Variants in VWF observed in about 807,000 individuals in gnomAD.
VWF encodes Factor VIII related antigen.
VWF carries 176 observed loss-of-function variants against 308.6 expected under a neutral mutation model. That is an observed-to-expected ratio of 0.57 (90% CI 0.50 to 0.65). The LOEUF (loss-of-function observed/expected upper bound fraction) is 0.65. Among genes scored for constraint, VWF ranks in the 30% least tolerant of loss-of-function variants. The pLI is 0.00. For synonymous variants in VWF, 1,385 were observed against 1,443.4 expected (o/e 0.96, Z 0.92); for missense variants, 3,146 against 3,648.2 (o/e 0.86, Z 3.55).
At chr12:6,017,520 G>A (rs1399012624) in intron 28 of VWF, among the ~76,000 whole-genome samples, 1 of 152,214 alleles carries the variant, frequency 6.6e-6, no homozygotes, top group East Asian at 1.9e-4. Flanking sequence ...TTATTATTCT[G>A]GGATGGTCCC....
At position 6,024,823 on chromosome 12, in the gene VWF, G is replaced by C. The variant is rs763686763; in HGVS notation, c.3222+757C>G. 6.6e-6 allele frequency among the ~76,000 whole-genome samples: 1 copy of C among 152,188 alleles called. No homozygotes were observed. The highest frequency in any genetic ancestry group is 2.4e-5 in the African/African-American group (1 of 41,444). ...TAGATCACCTGAGTCAGGAGTTCAA[G>C]GCCAGCCTGACCAACATGGTGAAAC... On this transcript the variant is annotated intron_variant, in intron 24 of 51. Transcript: ENST00000261405. This position sits in a 1 kb window ranked among gnomAD's most constrained non-coding sequence, Gnocchi z 4.0.
At chr12:5,953,802 A>T in intron 47 of VWF, 1 of 600,712 alleles carries the variant, frequency 1.7e-6, no homozygotes, top group South Asian at 1.9e-5. Context: ...ATCTCACTCA[A>T]GTTGTAGCAG....
At chr12:5,997,451 G>C (rs1417809191) in intron 34 of VWF, among the ~76,000 whole-genome samples, 1 of 152,164 alleles carries the variant, frequency 6.6e-6, no homozygotes, top group East Asian at 1.9e-4. Context: ...TGTGTAATGG[G>C]TACTTTACAG....
intron 43 of VWF, among the ~76,000 whole-genome samples, 185 bp from the exon 44 acceptor site, chr12:5,971,894 C>T (rs372288552): frequency 6.6e-5 from 10 of 152,348 alleles, no homozygotes; most frequent in African/African-American, 1.2e-4. Context: ...GGTCACTAAA[C>T]GAAGTCTTAC....
At position 6,060,106 on chromosome 12, in the gene VWF, T is replaced by A. The variant is rs1283645882; in HGVS notation, c.1534-2062A>T. Reference sequence around the variant, plus strand: ...GTCAGCTCGGCCAGGGTTAGGAGAGTGGGGGCGACACTTAGAGACTCTCTT... The same window carrying A: ...GTCAGCTCGGCCAGGGTTAGGAGAGAGGGGGCGACACTTAGAGACTCTCTT... On this transcript the variant is annotated intron_variant, in intron 13 of 51. Transcript: ENST00000261405. This position sits in a 1 kb window ranked among gnomAD's most constrained non-coding sequence, Gnocchi z 5.1. Among the ~76,000 whole-genome samples, 1 of 151,492 alleles carries A rather than the reference T, an allele frequency of 6.6e-6. No individual in the cohort carries two copies. Among genetic ancestry groups the A allele is most frequent in the East Asian group, 1.9e-4 (1 of 5,134 alleles).
chr12:6,108,941 A>C (rs1415758201), intron 5 of VWF, among the ~76,000 whole-genome samples: 1 of 150,554 alleles, frequency 6.6e-6, no homozygotes, highest in African/African-American at 2.4e-5. Context: ...AGATCGCGCC[A>C]CTGCACTCCA....
At chr12:6,002,535 A>C (rs115427917) in intron 34 of VWF, among the ~76,000 whole-genome samples, 1,616 of 152,180 alleles carry the variant, frequency 0.011, 34 homozygotes, top group African/African-American at 0.037. Context: ...TAAATGTGAA[A>C]ATCTAGATGA....
chr12:6,081,090 C>A (rs1944904185), intron 6 of VWF, among the ~76,000 whole-genome samples: 1 of 152,202 alleles, frequency 6.6e-6, no homozygotes, highest in Non-Finnish European at 1.5e-5. Context: ...CTCCGCCCAT[C>A]CTCCTGCGTT....
Position 5,985,134 on chromosome 12 carries a change from C to T in VWF, c.6902-15G>A, listed in dbSNP as rs71539656. The T allele has an allele frequency of 2.0e-4, 317 of 1,613,772 alleles. 1 individual carries two copies. The highest frequency in any genetic ancestry group is 2.5e-4 in the Non-Finnish European group (291 of 1,179,772). ...ACACGTGGGAGCTAGAGGAGAGGAA[C>T]GGCCACAAAAGTCAGAGAAATTAGT... On this transcript the variant is annotated splice_polypyrimidine_tract_variant and intron_variant, in intron 39 of 51. Coordinates refer to ENST00000261405, the MANE Select transcript of VWF (RefSeq NM_000552.5).
Position 6,108,997 on chromosome 12 carries a change from A to T in VWF, c.532+1377T>A, listed in dbSNP as rs554070417. Among the ~76,000 whole-genome samples the T allele has an allele frequency of 6.2e-3, 936 of 152,168 alleles. 13 individuals are homozygous for T. The highest frequency in any genetic ancestry group is 0.022 in the African/African-American group (895 of 41,514). On this transcript the variant is annotated intron_variant, in intron 5 of 51. Coordinates refer to ENST00000261405, the MANE Select transcript of VWF (RefSeq NM_000552.5). ...CTCCGTCTCAAAAAAAAAAAAAAAA[A>T]AATTCAAACTTTTGAATTTGTAAAT... is the stretch of plus-strand genomic sequence containing the variant.
At chr12:6,109,412 A>G (rs1945279964) in intron 5 of VWF, among the ~76,000 whole-genome samples, 4 of 152,226 alleles carry the variant, frequency 2.6e-5, no homozygotes, top group African/African-American at 9.6e-5. Flanking sequence ...TACATATCAG[A>G]CAATAAAATC....
intron 19 of VWF, 60 bp from the exon 20 acceptor site, chr12:6,034,886 G>C (rs1944317966): frequency 6.2e-7 from 1 of 1,600,704 alleles, no homozygotes; most frequent in South Asian, 1.1e-5. Context: ...GGGCCCATCT[G>C]GGCCATGGAG....
intron 18 of VWF, among the ~76,000 whole-genome samples, chr12:6,038,116 G>A (rs1953628462): frequency 6.6e-6 from 1 of 152,044 alleles, no homozygotes; most frequent in East Asian, 1.9e-4. Context: ...GCACCCAGTA[G>A]GGAAGATGGC....
chr12:5,979,445 C>T (rs140473723), intron 42 of VWF, among the ~76,000 whole-genome samples: 309 of 152,338 alleles, frequency 2.0e-3, no homozygotes, highest in Non-Finnish European at 3.7e-3. Context: ...CATAATCAGT[C>T]CTATCTCTCA....
rs377501452 is a variant in VWF at position 6,057,972 on chromosome 12, G to A, written c.1606C>T (p.Leu536Phe). 2.7e-5 allele frequency: 44 copies of A among 1,613,734 alleles called. No homozygotes were observed. In the East Asian group the frequency reaches 9.1e-4, roughly 34 times the overall value. Residue 536 changes from leucine to phenylalanine, a missense_variant, in exon 14 of 52, where the codon CTT becomes TTT. By Grantham distance (22) the Leu-to-Phe change is conservative. Transcript: ENST00000261405. ...GGCTCCGCCAGCCCAGAGGGGGTAAGGAAGTCGTCGCCCTGGTTGCCATTG... is the reference window on the plus strand; with the variant it reads ...GGCTCCGCCAGCCCAGAGGGGGTAAAGAAGTCGTCGCCCTGGTTGCCATTG... ...NYNGNQGDDF[L>F]TPSGLAEPRV...
intron 16 of VWF, among the ~76,000 whole-genome samples, chr12:6,051,286 CTTTTT>C (rs55842185): frequency 0.047 from 5,518 of 117,572 alleles, 124 homozygotes; most frequent in Middle Eastern, 0.081. Context: ...TTCTTTTTTT[CTTTTT>C]TTTTTTTTTT....
At chr12:5,958,022 G>T (rs1943269487) in intron 47 of VWF, among the ~76,000 whole-genome samples, 1 of 152,006 alleles carries the variant, frequency 6.6e-6, no homozygotes, top group Non-Finnish European at 1.5e-5. Context: ...CAATCAAAGT[G>T]TACTGTGATA....
chr12:5,972,185 G>A (rs554708683), intron 43 of VWF, among the ~76,000 whole-genome samples: 2 of 152,258 alleles, frequency 1.3e-5, no homozygotes, highest in South Asian at 4.1e-4. Flanking sequence ...TCCCCAAGAG[G>A]TTACTTGACA....
Position 6,019,484 on chromosome 12 carries a change from T to G in VWF, c.3934A>C (p.Lys1312Gln). 1 of 1,613,912 alleles carries G rather than the reference T, an allele frequency of 6.2e-7. No individual in the cohort carries two copies. The highest frequency in any genetic ancestry group is 1.1e-5 in the South Asian group (1 of 91,068). Residue 1312 changes from lysine to glutamine, a missense_variant, in exon 28 of 52, where the codon AAG becomes CAG. Physicochemically the swap from Lys to Gln is moderately conservative, Grantham distance 53. Around this residue, in one of 3 missense-constraint regions of VWF, gnomAD observed 853 missense variants for 1,177.8 expected, o/e 0.72. Transcript: ENST00000261405. The surrounding 1 kb of genome is among the most constrained non-coding windows in gnomAD (Gnocchi z 5.8). Reference protein sequence around the residue: ...DMMERLRISQKWVRVAVVEYH... With the variant: ...DMMERLRISQQWVRVAVVEYH... Reference sequence around the variant, plus strand: ...TCCACCACGGCCACGCGGACCCACTTCTGGGAGATGCGCAGCCGCTCCATC... The same window carrying G: ...TCCACCACGGCCACGCGGACCCACTGCTGGGAGATGCGCAGCCGCTCCATC...
Sources: allele counts gnomAD v4.1 joint callset (sites outside exome capture counted in the v4.1 genomes callset), GRCh38; gene constraint gnomAD v4.1.1; regional missense constraint gnomAD v4.1.1; non-coding constraint Gnocchi (gnomAD v3.1); transcripts MANE v1.5; gene names NCBI Gene and HGNC (gene_info 2026-07-23, HGNC 2026-07-21).